The following MTR variants were observed in gnomAD, a reference collection of about 807,000 sequenced individuals.
MTR encodes the protein methionine synthase.
Under a neutral mutation model 154.8 loss-of-function variants are expected in MTR, and 84 were observed. The observed-to-expected ratio is 0.54, with a 90% CI of 0.45 to 0.65. The LOEUF (loss-of-function observed/expected upper bound fraction) is 0.65. Ranked by LOEUF, MTR falls within the 30% of genes least tolerant of loss-of-function variation. MTR has a pLI of 0.00. For synonymous variants in MTR, 554 were observed against 553.9 expected, an observed-to-expected ratio of 1.00 and a Z score of 0.00; for missense variants, 1,275 against 1,570.2, an observed-to-expected ratio of 0.81 and a Z score of 3.18.
At chr1:236,807,980 G>A (rs73129122) in intron 3 of MTR, among the ~76,000 whole-genome samples, 11,672 of 152,144 alleles carry the variant, frequency 0.077, 941 homozygotes, top group African/African-American at 0.2. Flanking sequence ...GAGTTTGCCA[G>A]TACCTATTTA....
chr1:236,871,516 T>TAA (rs142168698), intron 22 of MTR, among the ~76,000 whole-genome samples: 93 of 151,188 alleles, frequency 6.2e-4, no homozygotes, highest in South Asian at 8.3e-4. Context: ...TATACAATGT[T>TAA]AAAAAAAAAA....
At chr1:236,851,187 G>T (rs1377574006) in intron 16 of MTR, among the ~76,000 whole-genome samples, 1 of 152,202 alleles carries the variant, frequency 6.6e-6, no homozygotes, top group Non-Finnish European at 1.5e-5. Flanking sequence ...ATGCAGAGTG[G>T]TGGAAAATTT....
At chr1:236,821,576 G>C (rs1572212169) in intron 8 of MTR, among the ~76,000 whole-genome samples, 1 of 152,038 alleles carries the variant, frequency 6.6e-6, no homozygotes, top group Admixed American at 6.5e-5. Flanking sequence ...TGAAGTTCTA[G>C]TTACCAGTTT....
intron 8 of MTR, chr1:236,819,817 C>A: frequency 1.3e-6 from 1 of 761,650 alleles, no homozygotes; most frequent in Non-Finnish European, 2.4e-6. Flanking sequence ...CTACAGCTGG[C>A]GGCTTGTGCC....
chr1:236,817,125 A>T (rs534098967), intron 8 of MTR, among the ~76,000 whole-genome samples: 20 of 152,356 alleles, frequency 1.3e-4, no homozygotes, highest in Non-Finnish European at 2.2e-4. Flanking sequence ...ATCTGCTTAA[A>T]AATAACTCCC....
rs1049945606 is a variant in MTR at position 236,895,545 on chromosome 1, C to G, written c.3593C>G (p.Ser1198Cys). ...TGGAGACTCGCAGACATCGAGCAGTCTACAGGTAGGAGCCAGGAGGCTGCG... is the reference window on the plus strand; with the variant it reads ...TGGAGACTCGCAGACATCGAGCAGTGTACAGGTAGGAGCCAGGAGGCTGCG... ...TMWRLADIEQ[S>C]TGIRLTESLA... The change falls in exon 31 of 33, where the codon TCT (serine) becomes TGT (cysteine). Residue 1198 changes from serine (S) to cysteine (C), a missense_variant. Physicochemically the swap from Ser to Cys is moderately radical, Grantham distance 112 (BLOSUM62 -1). Transcript: ENST00000366577. The G allele has an allele frequency of 1.3e-6, 2 of 1,569,616 alleles. No individual in the cohort carries two copies. The highest frequency in any genetic ancestry group is 1.8e-5 in the Admixed American group (1 of 54,556).
chr1:236,868,517 A>G (rs1203106376), intron 22 of MTR, among the ~76,000 whole-genome samples: 1 of 152,218 alleles, frequency 6.6e-6, no homozygotes, highest in Non-Finnish European at 1.5e-5. Context: ...GAAATAATGT[A>G]GAATATTTGG....
intron 25 of MTR, among the ~76,000 whole-genome samples, chr1:236,882,377 C>T (rs1478742580): frequency 1.4e-5 from 2 of 141,742 alleles, no homozygotes; most frequent in Non-Finnish European, 3.0e-5. Context: ...GTTTGGAGGA[C>T]AAACCCCTTC....
intron 18 of MTR, among the ~76,000 whole-genome samples, chr1:236,855,748 A>G (rs1284542239): frequency 1.3e-5 from 2 of 152,206 alleles, no homozygotes; most frequent in Non-Finnish European, 2.9e-5. Flanking sequence ...TACAAGGAGT[A>G]GCCAGATGGA....
intron 15 of MTR, among the ~76,000 whole-genome samples, chr1:236,843,582 C>T (rs1319640760): frequency 6.6e-6 from 1 of 152,066 alleles, no homozygotes; most frequent in Non-Finnish European, 1.5e-5. Flanking sequence ...TCTGTTAGGG[C>T]CAAAGCAGAA....
chr1:236,817,542 A>G (rs1179354040), intron 8 of MTR, among the ~76,000 whole-genome samples: 1 of 152,196 alleles, frequency 6.6e-6, no homozygotes, highest in Non-Finnish European at 1.5e-5. Flanking sequence ...AATTCTGGCA[A>G]TAACACCTTG....
intron 18 of MTR, among the ~76,000 whole-genome samples, chr1:236,857,762 G>A (rs1558315016): frequency 6.6e-6 from 1 of 152,200 alleles, no homozygotes. Flanking sequence ...TGTGAGAGGG[G>A]AAGTGCAGGA....
chr1:236,883,223 G>T (rs1203006506), intron 25 of MTR, among the ~76,000 whole-genome samples: 1 of 152,194 alleles, frequency 6.6e-6, no homozygotes, highest in East Asian at 1.9e-4. Context: ...TATAAACTGT[G>T]ATATGTCCCA....
At chr1:236,821,537 G>A (rs1661949585) in intron 8 of MTR, among the ~76,000 whole-genome samples, 1 of 152,090 alleles carries the variant, frequency 6.6e-6, no homozygotes, top group Non-Finnish European at 1.5e-5. Flanking sequence ...ACTTAATACT[G>A]TCTTTTGCTG....
chr1:236,880,195 C>G (rs1462535962), intron 24 of MTR, among the ~76,000 whole-genome samples: 2 of 152,028 alleles, frequency 1.3e-5, no homozygotes, highest in East Asian at 1.9e-4. Context: ...ATTTTTCTTG[C>G]TTTTGCCTCT....
chr1:236,819,203 A>G (rs1009620572), intron 8 of MTR, among the ~76,000 whole-genome samples: 1 of 152,206 alleles, frequency 6.6e-6, no homozygotes, highest in East Asian at 1.9e-4. Context: ...ACATATATCC[A>G]TTACAGCATC....
Position 236,840,599 on chromosome 1 carries a change from C to T in MTR, c.1515+2000C>T, listed in dbSNP as rs190711839. Among the ~76,000 whole-genome samples, 32 of 152,292 alleles carry T rather than the reference C, an allele frequency of 2.1e-4. No homozygotes were observed. The East Asian group carries it at 2.9e-3, about 14-fold the overall frequency. On this transcript the variant is annotated intron_variant, in intron 15 of 32. Transcript: ENST00000366577. ...CATGGCCACGTGGAGAAAGAGCAAA[C>T]GAGGTTTCAGCAAATGAAAAGTTTT...
At chr1:236,872,948 G>A (rs1665223310) in intron 22 of MTR, among the ~76,000 whole-genome samples, 1 of 152,226 alleles carries the variant, frequency 6.6e-6, no homozygotes. Flanking sequence ...TCACGCCACT[G>A]CACTCCAGCC....
At chr1:236,829,743 A>G (rs1662502335) in intron 12 of MTR, among the ~76,000 whole-genome samples, 1 of 152,164 alleles carries the variant, frequency 6.6e-6, no homozygotes, top group African/African-American at 2.4e-5. Flanking sequence ...GACTTGTGGT[A>G]TGTATTTTCT....
Sources: gnomAD v4.1 joint callset for allele counts (sites outside exome capture counted in the v4.1 genomes callset) on GRCh38, gnomAD v4.1.1 for gene constraint, MANE v1.5 for transcripts, NCBI Gene and HGNC (gene_info 2026-07-23, HGNC 2026-07-21) for gene names.